The following AFG2A variants were observed in gnomAD, a reference collection of about 807,000 sequenced individuals.
AFG2A encodes the protein AAA ATPase AFG2A.
the AFG2A span, among the ~76,000 whole-genome samples, chr4:123,175,819 A>G: frequency 6.6e-6 from 1 of 152,166 alleles, no homozygotes; most frequent in African/African-American, 2.4e-5. Flanking sequence ...GAGCAATAAA[A>G]TAAATGTTCA....
the AFG2A span, among the ~76,000 whole-genome samples, chr4:123,008,369 C>T: frequency 1.3e-5 from 2 of 152,164 alleles, no homozygotes; most frequent in Non-Finnish European, 2.9e-5. Flanking sequence ...ACAGCTCTCA[C>T]CTAGGCCCTA....
At chr4:122,924,186 G>C in the AFG2A span, among the ~76,000 whole-genome samples, 1 of 152,130 alleles carries the variant, frequency 6.6e-6, no homozygotes, top group Non-Finnish European at 1.5e-5. Flanking sequence ...ACTTGTTTTT[G>C]AACTAGATCC....
the AFG2A span, chr4:122,979,237 T>A: frequency 1.9e-6 from 3 of 1,614,090 alleles, no homozygotes; most frequent in South Asian, 3.3e-5. Context: ...TATAGGTCTC[T>A]GTGCCTTGCG....
the AFG2A span, among the ~76,000 whole-genome samples, chr4:123,010,781 C>T: frequency 2.0e-5 from 3 of 152,190 alleles, no homozygotes; most frequent in Non-Finnish European, 4.4e-5. Flanking sequence ...TCATTGAACT[C>T]GCTCTGTGCC....
chr4:122,979,312 C>A, the AFG2A span: 9 of 1,614,176 alleles, frequency 5.6e-6, no homozygotes, highest in Non-Finnish European at 7.6e-6. Flanking sequence ...GAAGATTACT[C>A]TGAAGGATTT....
At chr4:123,237,349 AGTT>A in the AFG2A span, among the ~76,000 whole-genome samples, 1 of 152,112 alleles carries the variant, frequency 6.6e-6, no homozygotes, top group Non-Finnish European at 1.5e-5. Flanking sequence ...AGATGTTTCT[AGTT>A]GTTTGAAGTA....
chr4:123,140,487 A>G, the AFG2A span, among the ~76,000 whole-genome samples: 2 of 118,670 alleles, frequency 1.7e-5, no homozygotes, highest in Admixed American at 9.7e-5. Flanking sequence ...CACCTCCCTT[A>G]GAGGATAAGG....
chr4:123,140,214 G>A, the AFG2A span, among the ~76,000 whole-genome samples: 102,550 of 151,970 alleles, frequency 0.67, 37,606 homozygotes, highest in East Asian at 0.97. Context: ...CTGTTGATAC[G>A]GGAGAATGAG....
chr4:123,254,111 T>C, the AFG2A span, among the ~76,000 whole-genome samples: 1 of 152,196 alleles, frequency 6.6e-6, no homozygotes, highest in Non-Finnish European at 1.5e-5. Flanking sequence ...ACAAGCCCTT[T>C]GCAAATATGC....
At chr4:123,033,968 G>A in the AFG2A span, among the ~76,000 whole-genome samples, 1 of 152,120 alleles carries the variant, frequency 6.6e-6, no homozygotes, top group Non-Finnish European at 1.5e-5. Flanking sequence ...AAGAGCTACT[G>A]TACAATGGTG....
the AFG2A span, among the ~76,000 whole-genome samples, chr4:122,993,977 GCA>G: frequency 2.0e-5 from 3 of 152,004 alleles, no homozygotes; most frequent in Non-Finnish European, 4.4e-5. Context: ...CATATGAATA[GCA>G]CATAGTAGAT....
chr4:123,278,733 G>A, the AFG2A span, among the ~76,000 whole-genome samples: 1 of 151,954 alleles, frequency 6.6e-6, no homozygotes, highest in African/African-American at 2.4e-5. Context: ...TTGGGAGCAG[G>A]TTGTTTAATT....
chr4:122,995,625 C>G, the AFG2A span, among the ~76,000 whole-genome samples: 13 of 152,264 alleles, frequency 8.5e-5, no homozygotes, highest in African/African-American at 3.1e-4. Flanking sequence ...GAAGGATCAT[C>G]AATTTCTATC....
the AFG2A span, among the ~76,000 whole-genome samples, chr4:123,194,150 A>G: frequency 1.3e-5 from 2 of 152,182 alleles, no homozygotes; most frequent in African/African-American, 2.4e-5. Flanking sequence ...TTCAATCCCT[A>G]CTTACCGGCC....
At chr4:122,988,352 A>C in the AFG2A span, among the ~76,000 whole-genome samples, 1 of 150,254 alleles carries the variant, frequency 6.7e-6, no homozygotes, top group African/African-American at 2.4e-5. Context: ...ACTAAAACAA[A>C]TTATATTCAT....
chr4:123,002,422 T>C, the AFG2A span, among the ~76,000 whole-genome samples: 5 of 152,228 alleles, frequency 3.3e-5, no homozygotes, highest in Non-Finnish European at 5.9e-5. Context: ...CATTTTGGCA[T>C]GATTTTGCAG....
chr4:122,970,180 A>G, the AFG2A span, among the ~76,000 whole-genome samples: 1 of 152,228 alleles, frequency 6.6e-6, no homozygotes, highest in Non-Finnish European at 1.5e-5. Flanking sequence ...GTAAGTGCCC[A>G]CACAGGTATA....
chr4:122,934,246 T>A, the AFG2A span: 8 of 1,614,082 alleles, frequency 5.0e-6, no homozygotes, highest in Non-Finnish European at 5.9e-6. Context: ...AAGAATGGCC[T>A]TTGAACAGTC....
the AFG2A span, among the ~76,000 whole-genome samples, chr4:123,140,509 T>TA: frequency 1.8e-4 from 26 of 145,972 alleles, no homozygotes; most frequent in East Asian, 1.9e-3. Flanking sequence ...TTTTTTTTTT[T>TA]TAAAAAAGCG....
Sources: gnomAD v4.1 joint callset for allele counts (sites outside exome capture counted in the v4.1 genomes callset) on GRCh38, gnomAD v4.1.1 for gene constraint, MANE v1.5 for transcripts, NCBI Gene and HGNC (gene_info 2026-07-23, HGNC 2026-07-21) for gene names.